ARHGEF1: variants seen among roughly 807,000 people sequenced by gnomAD.
ARHGEF1 encodes Rho guanine nucleotide exchange factor 1, also known as 115 kDa guanine nucleotide exchange factor.
A neutral mutation model predicts 119.7 loss-of-function variants in ARHGEF1; 40 were observed. That is an observed-to-expected ratio of 0.33 (90% CI 0.26 to 0.44). ARHGEF1 has a LOEUF of 0.44. Ranked by LOEUF, ARHGEF1 falls within the 20% of genes least tolerant of loss-of-function variation. ARHGEF1 has a pLI of 1.00. For synonymous variants in ARHGEF1, 494 were observed against 521.0 expected (o/e 0.95, Z 0.71); for missense variants, 976 against 1,268.3 (o/e 0.77, Z 3.50).
chr19:41,903,714 AGGACTATCAGCGGCGCCT>A lies in ARHGEF1; in HGVS notation c.1853_1870del (p.Tyr618_Asp623del). 6.2e-7 allele frequency: 1 copy of A among 1,612,932 alleles called. No individual in the cohort carries two copies. The highest frequency in any genetic ancestry group is 8.5e-7 in the Non-Finnish European group (1 of 1,179,998). ...CTCCCGTCTCTGCCCCAGAGGCTCAAGGACTATCAGCGGCGCCTGGACTTGTCCCACCTTCGGCAGAGC... is the reference window on the plus strand; with the variant it reads ...CTCCCGTCTCTGCCCCAGAGGCTCAAGGACTTGTCCCACCTTCGGCAGAGC... On this transcript the variant is annotated inframe_deletion, in exon 20 of 29. Coordinates refer to ENST00000354532, the MANE Select transcript of ARHGEF1 (RefSeq NM_004706.4). This position sits in a 1 kb window ranked among gnomAD's most constrained non-coding sequence, Gnocchi z 4.2.
Position 41,904,825 on chromosome 19 carries a change from T to A in ARHGEF1, c.2162-124T>A. 12 of 756,812 alleles carry A rather than the reference T, an allele frequency of 1.6e-5. No individual in the cohort carries two copies. The highest frequency in any genetic ancestry group is 2.7e-5 in the Non-Finnish European group (12 of 437,368). 46.9% of individuals were successfully genotyped at this position (756,812 alleles called of 1,614,324 possible). A position where few individuals can be genotyped will look rare whatever the true frequency, so the allele number is the denominator to read the frequency against. On this transcript the variant is annotated intron_variant, in intron 22 of 28. Transcript: ENST00000354532. This position sits in a 1 kb window ranked among gnomAD's most constrained non-coding sequence, Gnocchi z 8.4. ...CTGGATATTAGCAGACAGTGAGTGG[T>A]GAGTTGAGCCATGGGAGCCCTGAGA...
rs367670771 is a variant in ARHGEF1, at chr19:41,904,189, G to A, written c.1994-27G>A. The A allele has an allele frequency of 1.2e-4, 195 of 1,612,458 alleles. No homozygotes were observed. The highest frequency in any genetic ancestry group is 1.6e-4 in the Non-Finnish European group (183 of 1,178,930). On this transcript the variant is annotated intron_variant, in intron 21 of 28. Coordinates refer to ENST00000354532, the MANE Select transcript of ARHGEF1 (RefSeq NM_004706.4). The surrounding 1 kb of genome is among the most constrained non-coding windows in gnomAD (Gnocchi z 8.4). ...CGGGGAGGGGGTCGCGCGGGGGCAC[G>A]CCGTGTGAGCACTGCTCGCCCCGTA...
intron 14 of ARHGEF1, among the ~76,000 whole-genome samples, chr19:41,900,435 G>A (rs575841331): frequency 1.5e-3 from 228 of 152,240 alleles, no homozygotes; most frequent in Non-Finnish European, 1.7e-3. Context: ...TGACTATCAC[G>A]TTGGACAGGA....
chr19:41,928,666 T>G (rs2074887372), intron 1 of ARHGEF1: 3 of 196,922 alleles, frequency 1.5e-5, no homozygotes, highest in Non-Finnish European at 2.1e-5. Context: ...ACTCGGAAAA[T>G]AAAGTTCAGA....
intron 13 of ARHGEF1, chr19:41,898,163 C>T: frequency 7.1e-7 from 1 of 1,409,508 alleles, no homozygotes; most frequent in Non-Finnish European, 9.2e-7. Context: ...CCTGGAGAAT[C>T]AGGGAGGGAT....
intron 1 of ARHGEF1, among the ~76,000 whole-genome samples, chr19:41,884,685 C>T (rs1568806206): frequency 6.6e-6 from 1 of 152,172 alleles, no homozygotes; most frequent in South Asian, 2.1e-4. Context: ...CTCCAGGTTC[C>T]TGCCAGCCCC....
downstream of ARHGEF1, among the ~76,000 whole-genome samples, chr19:41,910,717 ATG>A (rs368369413): frequency 2.0e-5 from 3 of 152,118 alleles, no homozygotes; most frequent in African/African-American, 7.2e-5. This position sits in a 1 kb window ranked among gnomAD's most constrained non-coding sequence, Gnocchi z 4.4. Context: ...GTCCAGAACG[ATG>A]TGTGTGTGTG....
At position 41,904,232 on chromosome 19, in the gene ARHGEF1, G is replaced by T. The variant is rs781905606; in HGVS notation, c.2010G>T (p.Leu670=). Residue 670 remains leucine, a synonymous_variant, in exon 22 of 29, where the codon CTG becomes CTT. Transcript: ENST00000354532. The surrounding 1 kb of genome is among the most constrained non-coding windows in gnomAD (Gnocchi z 8.4). ...GCCCCGTAGAGGTGCATGTGCTGCT[G>T]CTGGACGACCTGCTGCTGCTGCTCC... ...KDKAVEVHVL[L]LDDLLLLLQR... The T allele has an allele frequency of 6.2e-7, 1 of 1,613,538 alleles. No homozygotes were observed. The highest frequency in any genetic ancestry group is 1.1e-5 in the South Asian group (1 of 91,046).
chr19:41,912,582 C>T (rs1224386842), intron 18 of ARHGEF1, among the ~76,000 whole-genome samples: 2 of 152,148 alleles, frequency 1.3e-5, no homozygotes, highest in African/African-American at 4.8e-5. Flanking sequence ...GCCCGGGCCT[C>T]GGGCCCCTCC....
rs1278450308 is a variant in ARHGEF1 at position 41,905,824 on chromosome 19, G to C, written c.2401G>C (p.Asp801His). 3 of 1,614,062 alleles carry C rather than the reference G, an allele frequency of 1.9e-6. No individual in the cohort carries two copies. The highest frequency in any genetic ancestry group is 3.3e-5 in the Admixed American group (2 of 60,010). ...GNGGRETSPA[D>H]ARTERILSDL... ...TGGTGGCCGAGAGACGTCTCCAGCT[G>C]ATGGTGAGACCAGAGGGATGCTGGG... Residue 801 changes from aspartate to histidine, a missense_variant, in exon 25 of 29, where the codon GAT (aspartate) becomes CAT (histidine). By Grantham distance (81) the Asp-to-His change is moderately conservative (BLOSUM62 -1). Around this residue, in one of 3 missense-constraint regions of ARHGEF1, gnomAD observed 171 missense variants for 180.6 expected, o/e 0.95. Coordinates refer to ENST00000354532, the MANE Select transcript of ARHGEF1 (RefSeq NM_004706.4). The surrounding 1 kb of genome is among the most constrained non-coding windows in gnomAD (Gnocchi z 6.4).
At chr19:41,918,913 CCACA>C (rs1172824486), upstream of ARHGEF1, among the ~76,000 whole-genome samples, 1 of 150,770 alleles carries the variant, frequency 6.6e-6, no homozygotes, top group Non-Finnish European at 1.5e-5. Flanking sequence ...CACACATACA[CCACA>C]CACACATGCA....
rs191166480 is a variant in ARHGEF1 at position 41,898,477 on chromosome 19, C to G, written c.1157C>G (p.Ser386Trp). The change falls in exon 14 of 29, where the codon TCG becomes TGG. Residue 386 changes from serine to tryptophan, a missense_variant. Around this residue, in one of 3 missense-constraint regions of ARHGEF1, gnomAD observed 519 missense variants for 580.9 expected, o/e 0.89. Transcript: ENST00000354532. ...GGAGATGAGGGGGAGCCGGGGCGGT[C>G]GGGACTGGAGCTTGAACCAGAAGAG... Reference protein sequence around the residue: ...EPGDEGEPGRSGLELEPEEPP... With the variant: ...EPGDEGEPGRWGLELEPEEPP... The G allele has an allele frequency of 1.3e-6, 2 of 1,549,248 alleles. No individual in the cohort carries two copies. The highest frequency in any genetic ancestry group is 2.0e-5 in the Admixed American group (1 of 50,760).
chr19:41,893,313 G>A lies in ARHGEF1; in HGVS notation c.644+10G>A, dbSNP rs782681063. The A allele has an allele frequency of 3.7e-5, 59 of 1,604,726 alleles. No individual in the cohort carries two copies. Among genetic ancestry groups the A allele is most frequent in the Non-Finnish European group, 4.7e-5 (55 of 1,175,954 alleles). On this transcript the variant is annotated intron_variant, in intron 8 of 28. Transcript: ENST00000354532. ...CCGACGAAGAAAAGAGGTGAGGGGG[G>A]CAGGGGAGGCGTGCGGCCTCCTGGG...
In ARHGEF1 at chr19:41,905,025, G is replaced by A. The variant is rs782819573; in HGVS notation, c.2238G>A (p.Ser746=). 9.3e-6 allele frequency: 15 copies of A among 1,613,996 alleles called. No homozygotes were observed. Among genetic ancestry groups the A allele is most frequent in the African/African-American group, 4.0e-5 (3 of 74,928 alleles). The change falls in exon 23 of 29, where the codon TCG becomes TCA. Residue 746 remains serine, a synonymous_variant. Coordinates refer to ENST00000354532, the MANE Select transcript of ARHGEF1 (RefSeq NM_004706.4). The surrounding 1 kb of genome is among the most constrained non-coding windows in gnomAD (Gnocchi z 6.4). ...QIYELVAQTV[S]ERKNWCALIT... ...ACGAGCTGGTGGCACAGACTGTGTC[G>A]GAGCGGAAAAAGTGAGGGGGGGTCT...
Position 41,892,312 on chromosome 19 carries a change from C to G in ARHGEF1, c.325-19C>G. 1 of 1,613,690 alleles carries G rather than the reference C, an allele frequency of 6.2e-7. No homozygotes were observed. Among genetic ancestry groups the G allele is most frequent in the Non-Finnish European group, 8.5e-7 (1 of 1,180,004 alleles). ...GCACACCAAGTCCTCCTCTTCACCC[C>G]ATTCTCTCTCTTGAGCAGGTTCTCC... On this transcript the variant is annotated intron_variant, in intron 5 of 28. Coordinates refer to ENST00000354532, the MANE Select transcript of ARHGEF1 (RefSeq NM_004706.4). This position sits in a 1 kb window ranked among gnomAD's most constrained non-coding sequence, Gnocchi z 6.3.
downstream of ARHGEF1, chr19:41,907,637 C>T (rs969210425): frequency 6.2e-6 from 3 of 484,092 alleles, no homozygotes; most frequent in East Asian, 7.7e-5. Flanking sequence ...GGGTATGAGG[C>T]GTCTCCCTGA....
chr19:41,895,243 G>T, intron 11 of ARHGEF1, 106 bp from the exon 12 acceptor site: 1 of 1,433,416 alleles, frequency 7.0e-7, no homozygotes. Flanking sequence ...GGGGCTCCTT[G>T]TCATGGTGGG....
In ARHGEF1 at chr19:41,896,410, C is replaced by G. The variant is rs1555847613; in HGVS notation, c.1049C>G (p.Ser350Cys). The change falls in exon 13 of 29, where the codon TCC (serine) becomes TGC (cysteine). Residue 350 changes from serine (S) to cysteine (C), a missense_variant. This residue lies in a region of ARHGEF1 where 519 missense variants were observed against 580.9 expected (regional missense o/e 0.89). Transcript: ENST00000354532. ...GCCCCCCTGGAGCTGGGGGACTCAT[C>G]CCCGCAGGGCCCAATGAGCCTGGAG... ...ADAPLELGDSSPQGPMSLESL... is the reference protein window; with the variant it reads ...ADAPLELGDSCPQGPMSLESL... The G allele has an allele frequency of 6.9e-7, 1 of 1,452,768 alleles. No individual in the cohort carries two copies. The highest frequency in any genetic ancestry group is 2.7e-5 in the Admixed American group (1 of 36,780). The allele number at this position is 1,452,768 out of a possible 1,614,324, so 90.0% of individuals were successfully genotyped here.
rs948482659 is a variant in ARHGEF1, at chr19:41,902,064, C to G, written c.1414+31C>G. ...TGCAGAGCCAGGGTCCCTCTGTGTA[C>G]CCCACTGCCCCACGGGCAGCTCTGC... On this transcript the variant is annotated intron_variant, in intron 15 of 28. Transcript: ENST00000354532. This position sits in a 1 kb window ranked among gnomAD's most constrained non-coding sequence, Gnocchi z 6.5. 15 of 1,604,974 alleles carry G rather than the reference C, an allele frequency of 9.3e-6. No individual in the cohort carries two copies. Among genetic ancestry groups the G allele is most frequent in the Non-Finnish European group, 1.3e-5 (15 of 1,174,098 alleles).
Sources: gnomAD v4.1 joint callset for allele counts (sites outside exome capture counted in the v4.1 genomes callset) on GRCh38, gnomAD v4.1.1 for gene constraint, gnomAD v4.1.1 regional missense constraint, Gnocchi (gnomAD v3.1) non-coding constraint, MANE v1.5 for transcripts, NCBI Gene and HGNC (gene_info 2026-07-23, HGNC 2026-07-21) for gene names.